PTPRD: variants seen among roughly 807,000 people sequenced by gnomAD.
PTPRD encodes the protein protein tyrosine phosphatase receptor type D, also known as receptor-type tyrosine-protein phosphatase delta.
A neutral mutation model predicts 214.5 loss-of-function variants in PTPRD; 34 were observed. That is an observed-to-expected ratio of 0.16 (90% CI 0.12 to 0.21). PTPRD has a LOEUF of 0.21. Among genes scored for constraint, PTPRD ranks in the 10% least tolerant of loss-of-function variants. The probability of loss-of-function intolerance (pLI) is 1.00; values close to 1 mark genes in which losing one functional copy is unlikely to be tolerated. For missense variants in PTPRD, 2,545 were observed against 2,398.7 expected, an observed-to-expected ratio of 1.06 and a Z score of -1.27; for synonymous variants, 1,128 against 845.7, an observed-to-expected ratio of 1.33 and a Z score of -5.79.
chr9:8,341,906 A>C lies in PTPRD; in HGVS notation c.4734T>G (p.Thr1578=), dbSNP rs772237456. 12 of 1,613,086 alleles carry C rather than the reference A, an allele frequency of 7.4e-6. No homozygotes were observed. In the South Asian group the frequency reaches 1.2e-4, roughly 16 times the overall value. Residue 1578 remains threonine (T), a synonymous_variant, in exon 40 of 46, where the codon ACT becomes ACG. Coordinates refer to ENST00000381196, the MANE Select transcript of PTPRD (RefSeq NM_002839.4). The stretch of plus-strand genomic sequence containing the variant: ...AAGTTACATGGCCATAAATATCTAC[A>C]GTTTTTTCATGCTTTATTCTTTCTA... ...AMLERIKHEK[T]VDIYGHVTLM... is the part of the protein sequence containing the mutation.
chr9:10,548,927 C>A (rs997954992), intron 2 of PTPRD, among the ~76,000 whole-genome samples: 1 of 152,124 alleles, frequency 6.6e-6, no homozygotes, highest in African/African-American at 2.4e-5. Context: ...CAACTGTGAA[C>A]ACATAACCAT....
At chr9:9,865,420 G>T (rs1180311465) in intron 5 of PTPRD, among the ~76,000 whole-genome samples, 1 of 152,186 alleles carries the variant, frequency 6.6e-6, no homozygotes, top group Non-Finnish European at 1.5e-5. Context: ...TATAAGGACA[G>T]ACAGAAGCCT....
chr9:8,433,954 A>C (rs896534512), intron 35 of PTPRD, among the ~76,000 whole-genome samples: 25 of 152,020 alleles, frequency 1.6e-4, no homozygotes, highest in Admixed American at 3.9e-4. Context: ...ATTCATGCTA[A>C]GTGTCCTACA....
chr9:9,394,735 A>C (rs2067122188), intron 9 of PTPRD, among the ~76,000 whole-genome samples: 1 of 152,110 alleles, frequency 6.6e-6, no homozygotes, highest in African/African-American at 2.4e-5. Context: ...AAAGAACGGG[A>C]ATATGTAGCA....
rs1445589630 is a variant in PTPRD, at chr9:9,754,799, G to A, written c.-326+12011C>T. ...TTTAGCATGTGAGGACAGCCTATGT[G>A]ATTGGTATGCTGAATAAGCTGTCAC... On this transcript the variant is annotated intron_variant, in intron 6 of 45. Coordinates refer to ENST00000381196, the MANE Select transcript of PTPRD (RefSeq NM_002839.4). Among the ~76,000 whole-genome samples the A allele has an allele frequency of 3.9e-5, 6 of 152,146 alleles. No individual in the cohort carries two copies. The East Asian group carries it at 9.7e-4, about 25-fold the overall frequency.
intron 12 of PTPRD, among the ~76,000 whole-genome samples, chr9:8,701,203 G>C (rs1373131096): frequency 1.3e-5 from 2 of 151,802 alleles, no homozygotes; most frequent in Admixed American, 1.3e-4. Flanking sequence ...CCATAATTCA[G>C]GGGGAAAAAA....
chr9:8,889,285 G>A (rs1394406890), intron 11 of PTPRD, among the ~76,000 whole-genome samples: 3 of 152,158 alleles, frequency 2.0e-5, no homozygotes, highest in South Asian at 2.1e-4. Flanking sequence ...AGTAGAGAGA[G>A]AAAGAGAGAG....
chr9:9,499,096 A>T (rs2154219584), intron 8 of PTPRD, among the ~76,000 whole-genome samples: 1 of 152,200 alleles, frequency 6.6e-6, no homozygotes. Context: ...TTCTCAAGGC[A>T]ACACAGTAAA....
chr9:9,473,797 T>G (rs1274753724), intron 8 of PTPRD, among the ~76,000 whole-genome samples: 1 of 141,344 alleles, frequency 7.1e-6, no homozygotes, highest in East Asian at 2.1e-4. Context: ...ATATTCAGAC[T>G]TTTTGTCCGT....
chr9:8,665,610 T>C (rs2097154924), intron 12 of PTPRD, among the ~76,000 whole-genome samples: 1 of 152,200 alleles, frequency 6.6e-6, no homozygotes, highest in African/African-American at 2.4e-5. Flanking sequence ...GTGATGTTAC[T>C]TTTCATAATA....
chr9:9,601,141 GTGTGTGTGTAT>G (rs1319606704), intron 7 of PTPRD, among the ~76,000 whole-genome samples: 15 of 125,450 alleles, frequency 1.2e-4, no homozygotes, highest in African/African-American at 5.4e-4. Flanking sequence ...GTGTGTGTGT[GTGTGTGTGTAT>G]GGGGGGGGGA....
chr9:9,792,913 A>T (rs556883715), intron 5 of PTPRD, among the ~76,000 whole-genome samples: 47 of 152,154 alleles, frequency 3.1e-4, no homozygotes, highest in Non-Finnish European at 6.6e-4. Flanking sequence ...TTTAAGGGGT[A>T]TTAAAATGGA....
intron 32 of PTPRD, 30 bp downstream of exon 32, chr9:8,465,436 A>G (rs2096527688): frequency 1.3e-6 from 2 of 1,590,730 alleles, no homozygotes; most frequent in East Asian, 2.2e-5. Flanking sequence ...AGCGTACCAT[A>G]GGAAACAGAT....
chr9:10,391,787 A>T (rs1053909929), intron 2 of PTPRD, among the ~76,000 whole-genome samples: 5 of 151,748 alleles, frequency 3.3e-5, no homozygotes, highest in African/African-American at 4.8e-5. Context: ...ATGGGTTCCC[A>T]TTGCCCTTAG....
At chr9:9,117,926 G>A (rs566471226) in intron 10 of PTPRD, among the ~76,000 whole-genome samples, 2 of 152,054 alleles carry the variant, frequency 1.3e-5, no homozygotes, top group East Asian at 3.9e-4. Flanking sequence ...GGCATCTGAA[G>A]TTTACACGAT....
chr9:8,452,547 T>G (rs150412970), intron 33 of PTPRD, among the ~76,000 whole-genome samples: 85 of 152,286 alleles, frequency 5.6e-4, no homozygotes, highest in African/African-American at 1.9e-3. Flanking sequence ...ATTTGAAAAA[T>G]GGAAAGAATA....
rs151077966 is a variant in PTPRD at position 10,156,171 on chromosome 9, T to C, written c.-544-122381A>G. Among the ~76,000 whole-genome samples, 392 of 151,286 alleles carry C rather than the reference T, an allele frequency of 2.6e-3. 3 individuals carry two copies. The highest frequency in any genetic ancestry group is 4.5e-3 in the Non-Finnish European group (302 of 67,764). ...CTAATTTTGGTTATTTCTTGTCTTC[T>C]GCCAGCTTTGGCATTGGTTTACTCT... On this transcript the variant is annotated intron_variant, in intron 3 of 45. Transcript: ENST00000381196.
intron 11 of PTPRD, among the ~76,000 whole-genome samples, chr9:8,871,423 C>G (rs1445997911): frequency 6.6e-6 from 1 of 152,040 alleles, no homozygotes; most frequent in Non-Finnish European, 1.5e-5. Flanking sequence ...TAAATTTTAC[C>G]TTGAGTAACA....
intron 12 of PTPRD, among the ~76,000 whole-genome samples, chr9:8,726,044 C>A (rs62528778): frequency 0.44 from 65,111 of 146,358 alleles, 14,363 homozygotes; most frequent in Non-Finnish European, 0.5. Flanking sequence ...CACACACACA[C>A]ACACACACAC....
Sources: allele counts gnomAD v4.1 joint callset (sites outside exome capture counted in the v4.1 genomes callset), GRCh38; gene constraint gnomAD v4.1.1; transcripts MANE v1.5; gene names NCBI Gene and HGNC (gene_info 2026-07-23, HGNC 2026-07-21).